MALRD1: variants seen among roughly 807,000 people sequenced by gnomAD.
MALRD1 encodes MAM and LDL-receptor class A domain-containing protein 1.
A neutral mutation model predicts 242.1 loss-of-function variants in MALRD1; 247 were observed. The observed-to-expected ratio is 1.02, with a 90% CI of 0.92 to 1.13. The LOEUF is 1.13. Ranked by LOEUF, MALRD1 falls within the 50% of genes most tolerant of loss-of-function variation. MALRD1 has a pLI of 0.00. For synonymous variants in MALRD1, 995 were observed against 866.6 expected, an observed-to-expected ratio of 1.15 and a Z score of -2.60; for missense variants, 2,989 against 2,533.1, an observed-to-expected ratio of 1.18 and a Z score of -3.86.
chr10:19,197,308 G>T (rs1012558704), intron 14 of MALRD1, among the ~76,000 whole-genome samples: 13 of 151,752 alleles, frequency 8.6e-5, no homozygotes, highest in African/African-American at 3.2e-4. Flanking sequence ...CCTTGACCTC[G>T]AATTCTCATT....
intron 26 of MALRD1, among the ~76,000 whole-genome samples, chr10:19,380,849 C>G (rs1460899200): frequency 6.6e-6 from 1 of 151,684 alleles, no homozygotes; most frequent in Non-Finnish European, 1.5e-5. Flanking sequence ...TTTGTAACAT[C>G]TTAGGTTTTT....
At chr10:19,708,595 C>T (rs1281162143) in intron 38 of MALRD1, among the ~76,000 whole-genome samples, 2 of 114,726 alleles carry the variant, frequency 1.7e-5, no homozygotes, top group African/African-American at 5.5e-5. Flanking sequence ...ATTCTCCTGC[C>T]GGGGCCTCCC....
At chr10:19,202,533 C>T (rs943105660) in intron 14 of MALRD1, among the ~76,000 whole-genome samples, 2 of 151,704 alleles carry the variant, frequency 1.3e-5, no homozygotes, top group Admixed American at 6.6e-5. Flanking sequence ...ATTAAAATGC[C>T]CTTATAATTT....
intron 29 of MALRD1, among the ~76,000 whole-genome samples, chr10:19,479,632 A>G (rs1164885542): frequency 6.6e-6 from 1 of 152,196 alleles, no homozygotes; most frequent in Non-Finnish European, 1.5e-5. Flanking sequence ...TGCTAGTGTC[A>G]CCATCATCAT....
intron 36 of MALRD1, among the ~76,000 whole-genome samples, chr10:19,631,544 T>G (rs1242956211): frequency 6.6e-6 from 1 of 152,146 alleles, no homozygotes; most frequent in Non-Finnish European, 1.5e-5. Context: ...GGTAGCTCTG[T>G]TTTAGTTCTT....
chr10:19,055,874 G>A (rs542277169), intron 1 of MALRD1, among the ~76,000 whole-genome samples: 11 of 152,212 alleles, frequency 7.2e-5, no homozygotes, highest in East Asian at 3.9e-4. Flanking sequence ...GGTGAGGATC[G>A]AAAAACCACC....
In MALRD1 at chr10:19,331,271, A is replaced by G. The variant is rs1843354421; in HGVS notation, c.3688-98A>G. ...AACAAAAACAAAAAAACAAACAACA[A>G]AAAACAGATTCACGATTGATGTGCT... is the stretch of plus-strand genomic sequence containing the variant. On this transcript the variant is annotated intron_variant, in intron 23 of 39. Coordinates refer to ENST00000454679, the MANE Select transcript of MALRD1 (RefSeq NM_001142308.3). 1.1e-5 allele frequency: 12 copies of G among 1,045,662 alleles called. No homozygotes were observed. In the South Asian group the frequency reaches 1.8e-4, roughly 16 times the overall value. The allele number at this position is 1,045,662 out of a possible 1,614,324, so 64.8% of individuals were successfully genotyped here. A position where few individuals can be genotyped will look rare whatever the true frequency, so the allele number is the denominator to read the frequency against.
Position 19,165,760 on chromosome 10 carries a change from G to C in MALRD1, c.1780G>C (p.Ala594Pro), listed in dbSNP as rs542543609. Residue 594 changes from alanine to proline, a missense_variant, in exon 13 of 40, where the codon GCA (alanine) becomes CCA (proline). Physicochemically the swap from Ala to Pro is conservative, Grantham distance 27 (BLOSUM62 -1). Transcript: ENST00000454679. ...IRFSESQWSH[A>P]KIDLIAEAGE... ...ATTCTCCGAATCTCAGTGGAGCCAC[G>C]CAAAAATTGATCTCATTGCAGAAGC... The C allele has an allele frequency of 8.1e-7, 1 of 1,231,520 alleles. No homozygotes were observed. The highest frequency in any genetic ancestry group is 4.2e-5 in the Admixed American group (1 of 23,694). 76.3% of individuals were successfully genotyped at this position (1,231,520 alleles called of 1,614,324 possible).
intron 29 of MALRD1, among the ~76,000 whole-genome samples, chr10:19,470,837 G>C (rs1836454229): frequency 6.6e-6 from 1 of 151,646 alleles, no homozygotes; most frequent in Non-Finnish European, 1.5e-5. Flanking sequence ...TCCCTTATCA[G>C]ATATATGATT....
intron 1 of MALRD1, among the ~76,000 whole-genome samples, chr10:19,055,021 G>A (rs973892013): frequency 1.3e-5 from 2 of 152,088 alleles, no homozygotes; most frequent in African/African-American, 4.8e-5. Context: ...CACCAACAAT[G>A]TACAAGAGAT....
intron 38 of MALRD1, among the ~76,000 whole-genome samples, chr10:19,704,912 C>T (rs746061803): frequency 9.2e-5 from 14 of 152,010 alleles, no homozygotes; most frequent in Non-Finnish European, 2.9e-5. Context: ...TTTGGGAGAA[C>T]GAGGCAGGCA....
chr10:19,296,037 C>A (rs1366073634), intron 21 of MALRD1, among the ~76,000 whole-genome samples: 3 of 152,052 alleles, frequency 2.0e-5, no homozygotes, highest in African/African-American at 4.8e-5. Context: ...GATACCCAGG[C>A]CCTGTTTCAT....
chr10:19,283,996 G>C (rs555297107), intron 21 of MALRD1, among the ~76,000 whole-genome samples: 3 of 152,158 alleles, frequency 2.0e-5, no homozygotes, highest in African/African-American at 7.2e-5. Flanking sequence ...ACAGCAGAAG[G>C]GAAACAAGGA....
At chr10:19,323,822 G>A (rs1456575360) in intron 21 of MALRD1, 127 bp from the exon 22 acceptor site, 3 of 731,828 alleles carry the variant, frequency 4.1e-6, no homozygotes, top group Non-Finnish European at 6.6e-6. Flanking sequence ...TGGTAGCCAG[G>A]CTGGTCTCGA....
intron 29 of MALRD1, among the ~76,000 whole-genome samples, chr10:19,473,073 G>A (rs1836572617): frequency 1.4e-5 from 2 of 145,384 alleles, no homozygotes; most frequent in African/African-American, 5.0e-5. Flanking sequence ...GGCATCCAAA[G>A]CTTGTTCATA....
chr10:19,695,807 AG>A (rs1406605809), intron 38 of MALRD1, among the ~76,000 whole-genome samples: 1 of 152,084 alleles, frequency 6.6e-6, no homozygotes, highest in East Asian at 1.9e-4. Flanking sequence ...TACAGGCATG[AG>A]TCACCGTGCC....
intron 5 of MALRD1, among the ~76,000 whole-genome samples, chr10:19,119,513 C>T (rs12098292): frequency 0.087 from 13,272 of 152,106 alleles, 1,077 homozygotes; most frequent in African/African-American, 0.19. Flanking sequence ...GATGAAATCA[C>T]AGGAAGTCGG....
At chr10:19,535,925 G>A (rs1488595669) in intron 32 of MALRD1, among the ~76,000 whole-genome samples, 1 of 152,050 alleles carries the variant, frequency 6.6e-6, no homozygotes, top group Non-Finnish European at 1.5e-5. Context: ...GAGGGGATGT[G>A]GCAAAGAAAA....
rs140682634 is a variant in MALRD1 at position 19,330,519 on chromosome 10, T to C, written c.3688-850T>C. ...ATTTATTTTGAAATATCTCAATATTTCTTATGTTAACATATACATACTTAG... is the reference window on the plus strand; with the variant it reads ...ATTTATTTTGAAATATCTCAATATTCCTTATGTTAACATATACATACTTAG... On this transcript the variant is annotated intron_variant, in intron 23 of 39. Coordinates refer to ENST00000454679, the MANE Select transcript of MALRD1 (RefSeq NM_001142308.3). Among the ~76,000 whole-genome samples, 14 of 152,302 alleles carry C rather than the reference T, an allele frequency of 9.2e-5. No individual in the cohort carries two copies. In the East Asian group the frequency reaches 1.5e-3, roughly 17 times the overall value.
Sources: gnomAD v4.1 joint callset for allele counts (sites outside exome capture counted in the v4.1 genomes callset) on GRCh38, gnomAD v4.1.1 for gene constraint, MANE v1.5 for transcripts, NCBI Gene and HGNC (gene_info 2026-07-23, HGNC 2026-07-21) for gene names.